Variants in PARVA observed in about 807,000 individuals in gnomAD.
PARVA encodes parvin alpha.
Under a neutral mutation model 52.6 loss-of-function variants are expected in PARVA, and 25 were observed. The observed-to-expected ratio is 0.48, with a 90% CI of 0.35 to 0.66. PARVA has a LOEUF of 0.66. Ranked by LOEUF, PARVA falls within the 30% of genes least tolerant of loss-of-function variation. PARVA has a pLI of 0.01. For synonymous variants in PARVA, 185 were observed against 179.1 expected (o/e 1.03, Z -0.26); for missense variants, 373 against 450.9 (o/e 0.83, Z 1.56).
intron 4 of PARVA, among the ~76,000 whole-genome samples, chr11:12,495,470 A>G (rs1941287301): frequency 6.6e-6 from 1 of 152,258 alleles, no homozygotes; most frequent in Non-Finnish European, 1.5e-5. Flanking sequence ...AAATGTGTGC[A>G]GTTCTGTCAA....
intron 5 of PARVA, among the ~76,000 whole-genome samples, chr11:12,499,305 T>C (rs1006015811): frequency 2.0e-5 from 3 of 152,178 alleles, no homozygotes; most frequent in Admixed American, 6.5e-5. Flanking sequence ...AAAAGCTCTG[T>C]CTCCTCTCTC....
chr11:12,377,772 A>G lies in PARVA; in HGVS notation c.125A>G (p.Lys42Arg). The change falls in exon 1 of 13, where the codon AAA becomes AGA. Residue 42 changes from lysine to arginine, a missense_variant. By Grantham distance (26) the Lys-to-Arg change is conservative (BLOSUM62 2). Coordinates refer to ENST00000334956, the MANE Select transcript of PARVA (RefSeq NM_018222.5). Reference sequence around the variant, plus strand: ...GGAGGGACCCTGGCCCGGAGGAAGAAAGCCAAGGAGGGTGAGTGCGGCCAG... The same window carrying G: ...GGAGGGACCCTGGCCCGGAGGAAGAGAGCCAAGGAGGGTGAGTGCGGCCAG... ...KLGGTLARRK[K>R]AKEVSELQEE... 6.6e-7 allele frequency: 1 copy of G among 1,516,136 alleles called. No homozygotes were observed. The highest frequency in any genetic ancestry group is 8.8e-7 in the Non-Finnish European group (1 of 1,136,024). The allele number at this position is 1,516,136 out of a possible 1,614,324, so 93.9% of individuals were successfully genotyped here.
chr11:12,452,677 G>A (rs568361926), intron 1 of PARVA: 3 of 203,732 alleles, frequency 1.5e-5, no homozygotes, highest in Non-Finnish European at 3.1e-5. Context: ...CTGCTCTACA[G>A]GTAACTTATA....
intron 1 of PARVA, among the ~76,000 whole-genome samples, chr11:12,418,787 G>A (rs752714803): frequency 3.9e-5 from 6 of 152,196 alleles, no homozygotes; most frequent in Non-Finnish European, 8.8e-5. Context: ...AAGACTAAAT[G>A]CCACAACATA....
chr11:12,449,222 C>T (rs531779897), intron 1 of PARVA, among the ~76,000 whole-genome samples: 54 of 152,192 alleles, frequency 3.5e-4, no homozygotes, highest in African/African-American at 1.3e-3. Context: ...GGCGCAATCT[C>T]GGCTCACTGC....
At chr11:12,391,383 T>C (rs114951396) in intron 1 of PARVA, among the ~76,000 whole-genome samples, 4,781 of 152,284 alleles carry the variant, frequency 0.031, 174 homozygotes, top group East Asian at 0.076. Context: ...CAGTGTCGCC[T>C]CTTCAGATGA....
intron 1 of PARVA, among the ~76,000 whole-genome samples, chr11:12,401,751 G>C (rs536380275): frequency 6.6e-6 from 1 of 152,276 alleles, no homozygotes; most frequent in South Asian, 2.1e-4. Flanking sequence ...CATGATCGCA[G>C]GGCATGAAAA....
chr11:12,468,999 G>A (rs1245047850), intron 1 of PARVA, among the ~76,000 whole-genome samples: 3 of 152,112 alleles, frequency 2.0e-5, no homozygotes, highest in African/African-American at 4.8e-5. Context: ...AACCAATAGC[G>A]GCTTTACCTG....
chr11:12,462,953 T>A (rs1940803815), intron 1 of PARVA, among the ~76,000 whole-genome samples: 2 of 152,132 alleles, frequency 1.3e-5, no homozygotes, highest in African/African-American at 4.8e-5. Flanking sequence ...GTCAGATAAG[T>A]TACTACTATC....
chr11:12,485,620 C>G (rs780348425), intron 4 of PARVA, among the ~76,000 whole-genome samples: 2 of 152,140 alleles, frequency 1.3e-5, no homozygotes, highest in Non-Finnish European at 2.9e-5. Context: ...TAAATTGATA[C>G]TGATATAAAT....
intron 1 of PARVA, among the ~76,000 whole-genome samples, chr11:12,418,204 T>C (rs946526176): frequency 1.3e-5 from 2 of 152,168 alleles, no homozygotes; most frequent in Admixed American, 6.5e-5. Flanking sequence ...AAGTGGGTCA[T>C]TGGAGCCCAG....
At chr11:12,427,895 C>T (rs978119384) in intron 1 of PARVA, among the ~76,000 whole-genome samples, 11 of 152,236 alleles carry the variant, frequency 7.2e-5, no homozygotes, top group Admixed American at 3.3e-4. Context: ...ACAACTGCTT[C>T]TGGTCCAGGC....
At chr11:12,376,564 G>A (rs1293891208), upstream of PARVA, among the ~76,000 whole-genome samples, 4 of 152,196 alleles carry the variant, frequency 2.6e-5, no homozygotes, top group South Asian at 2.1e-4. Context: ...CCAGCTGATC[G>A]TCTGCTCTTC....
intron 1 of PARVA, among the ~76,000 whole-genome samples, chr11:12,403,477 G>C (rs1291739558): frequency 6.6e-6 from 1 of 152,232 alleles, no homozygotes; most frequent in Non-Finnish European, 1.5e-5. Context: ...CACTGTGTGC[G>C]TGGGAGGTTC....
intron 10 of PARVA, among the ~76,000 whole-genome samples, chr11:12,516,044 G>A (rs2135081039): frequency 6.6e-6 from 1 of 152,258 alleles, no homozygotes; most frequent in African/African-American, 2.4e-5. Context: ...TCACCATGTT[G>A]CCCAGGCCAG....
At chr11:12,511,805 A>C (rs914400121) in intron 8 of PARVA, among the ~76,000 whole-genome samples, 3 of 152,204 alleles carry the variant, frequency 2.0e-5, no homozygotes, top group Non-Finnish European at 4.4e-5. Flanking sequence ...CAGTAAACAC[A>C]TGAAGCCACG....
chr11:12,534,838 T>G lies in PARVA; in HGVS notation c.*6913T>G, dbSNP rs1487670738. Among the ~76,000 whole-genome samples, 2 of 152,334 alleles carry G rather than the reference T, an allele frequency of 1.3e-5. No homozygotes were observed. The highest frequency in any genetic ancestry group is 3.4e-3 in the Middle Eastern group (1 of 294). ...ACAGTGCCTGCCCTTGGCAAATATA[T>G]GTTGGTGTATCTGAAAAACAGCTCC... On this transcript the variant is annotated 3_prime_UTR_variant, in exon 13 of 13. Coordinates refer to ENST00000334956, the MANE Select transcript of PARVA (RefSeq NM_018222.5).
At position 12,508,572 on chromosome 11, in the gene PARVA, C is replaced by A; in HGVS notation, c.658-12C>A. ...CTTCTCCTCCCAACCCCTTTCCCCA[C>A]CCCCATTTCAGAAACGAGAAGGAAT... is the stretch of plus-strand genomic sequence containing the variant. On this transcript the variant is annotated splice_polypyrimidine_tract_variant and intron_variant, in intron 6 of 12. Transcript: ENST00000334956. 6.2e-7 allele frequency: 1 copy of A among 1,602,150 alleles called. No homozygotes were observed. The highest frequency in any genetic ancestry group is 1.1e-5 in the South Asian group (1 of 90,456).
intron 1 of PARVA, among the ~76,000 whole-genome samples, chr11:12,454,384 G>A (rs1327020481): frequency 6.6e-6 from 1 of 152,060 alleles, no homozygotes; most frequent in Non-Finnish European, 1.5e-5. Context: ...CTTTCATTAT[G>A]GATTTTGACA....
Sources: allele counts gnomAD v4.1 joint callset (sites outside exome capture counted in the v4.1 genomes callset), GRCh38; gene constraint gnomAD v4.1.1; transcripts MANE v1.5; gene names NCBI Gene and HGNC (gene_info 2026-07-23, HGNC 2026-07-21).